The following WDR89 variants were observed in gnomAD, a reference collection of about 807,000 sequenced individuals.
WDR89 encodes the protein WD repeat-containing protein 89.
Under a neutral mutation model 29.1 loss-of-function variants are expected in WDR89, and 17 were observed. That is an observed-to-expected ratio of 0.58 (90% CI 0.40 to 0.88). WDR89 has a LOEUF of 0.88. WDR89 is among the 40% of genes least tolerant of loss of function. WDR89 has a pLI of 0.00. For synonymous variants in WDR89, 138 were observed against 157.8 expected, an observed-to-expected ratio of 0.87 and a Z score of 0.94; for missense variants, 396 against 456.3, an observed-to-expected ratio of 0.87 and a Z score of 1.20.
intron 1 of WDR89, among the ~76,000 whole-genome samples, chr14:63,636,003 T>C (rs1349666338): frequency 1.3e-5 from 2 of 152,056 alleles, no homozygotes; most frequent in Non-Finnish European, 2.9e-5. Flanking sequence ...GGTCAGGAGT[T>C]CGAGACCAGC....
At chr14:63,609,559 C>T (rs1881815973) in intron 2 of WDR89, among the ~76,000 whole-genome samples, 3 of 152,174 alleles carry the variant, frequency 2.0e-5, no homozygotes, top group Admixed American at 6.5e-5. Flanking sequence ...GAAGCCGAGG[C>T]GGGCGGATCA....
At chr14:63,601,924 A>G in intron 2 of WDR89, 1 of 456,358 alleles carries the variant, frequency 2.2e-6, no homozygotes, top group Non-Finnish European at 3.9e-6. Context: ...AATAAACTAA[A>G]TAACTAATGA....
At chr14:63,635,332 G>T (rs759320235) in intron 1 of WDR89, among the ~76,000 whole-genome samples, 1 of 152,102 alleles carries the variant, frequency 6.6e-6, no homozygotes, top group Non-Finnish European at 1.5e-5. Context: ...ACATACACAA[G>T]TCAATAAATG....
chr14:63,613,821 CTTTT>C (rs751893850), intron 2 of WDR89, among the ~76,000 whole-genome samples: 7,162 of 120,972 alleles, frequency 0.059, 266 homozygotes, highest in African/African-American at 0.12. Context: ...TTTTAAACAT[CTTTT>C]TTTTTTTTTT....
At chr14:63,602,585 C>T (rs1166124803) in intron 2 of WDR89, among the ~76,000 whole-genome samples, 3 of 151,116 alleles carry the variant, frequency 2.0e-5, no homozygotes, top group East Asian at 2.0e-4. Flanking sequence ...CCAGTCTGAC[C>T]GACATGGAAA....
chr14:63,621,135 T>C (rs747447051), intron 2 of WDR89, among the ~76,000 whole-genome samples: 1 of 152,186 alleles, frequency 6.6e-6, no homozygotes, highest in African/African-American at 2.4e-5. Context: ...AACCCTTCTA[T>C]ATTGCTGGTG....
chr14:63,607,620 A>G (rs1048492132), intron 2 of WDR89, among the ~76,000 whole-genome samples: 6 of 151,872 alleles, frequency 4.0e-5, no homozygotes, highest in Non-Finnish European at 5.9e-5. Flanking sequence ...GGTGGCTCAC[A>G]TCTGTAATCC....
chr14:63,613,891 C>T (rs1882146647), intron 2 of WDR89, among the ~76,000 whole-genome samples: 1 of 148,202 alleles, frequency 6.7e-6, no homozygotes. Flanking sequence ...GTAAGCAATC[C>T]TCCTGCTTTG....
intron 2 of WDR89, among the ~76,000 whole-genome samples, chr14:63,617,395 T>C (rs1335324791): frequency 6.6e-6 from 1 of 151,528 alleles, no homozygotes; most frequent in Non-Finnish European, 1.5e-5. Flanking sequence ...TACAAGCTTT[T>C]AAGATAAGAT....
intron 2 of WDR89, among the ~76,000 whole-genome samples, chr14:63,622,595 TCAAA>T (rs915423417): frequency 1.4e-4 from 20 of 148,134 alleles, no homozygotes; most frequent in Non-Finnish European, 2.5e-4. Context: ...AAACAAACAA[TCAAA>T]CAAACAAAAA....
chr14:63,622,484 G>A (rs1832983355), intron 2 of WDR89, among the ~76,000 whole-genome samples: 1 of 152,230 alleles, frequency 6.6e-6, no homozygotes, highest in African/African-American at 2.4e-5. Flanking sequence ...GGGAGGCTGA[G>A]ACAGGAGAAT....
At chr14:63,628,685 C>T (rs1031766569) in intron 1 of WDR89, among the ~76,000 whole-genome samples, 3 of 152,114 alleles carry the variant, frequency 2.0e-5, no homozygotes, top group African/African-American at 7.2e-5. Context: ...GGCCACTGGC[C>T]GGGTGCGGTG....
At chr14:63,619,996 C>T (rs1882582346) in intron 2 of WDR89, among the ~76,000 whole-genome samples, 2 of 131,012 alleles carry the variant, frequency 1.5e-5, no homozygotes, top group East Asian at 4.7e-4. Context: ...CAGAGCGAGA[C>T]TCCATCTCAA....
intron 2 of WDR89, among the ~76,000 whole-genome samples, chr14:63,604,860 C>T (rs1895234061): frequency 6.6e-6 from 1 of 152,144 alleles, no homozygotes; most frequent in Non-Finnish European, 1.5e-5. Flanking sequence ...ATAATGGAGG[C>T]CAGGTGTGGT....
At position 63,618,830 on chromosome 14, in the gene WDR89, T is replaced by A. The variant is rs551547458; in HGVS notation, c.-32+6098A>T. The stretch of plus-strand genomic sequence containing the variant: ...TACAAGTGTCCACGGAGAAAAGGGG[T>A]CTCATAAAAAATCTGAAGAATCTTA... On this transcript the variant is annotated intron_variant, in intron 2 of 2. Coordinates refer to ENST00000620954, the MANE Select transcript of WDR89 (RefSeq NM_080666.4). Among the ~76,000 whole-genome samples the A allele has an allele frequency of 2.0e-5, 3 of 151,816 alleles. No individual in the cohort carries two copies. In the South Asian group the frequency reaches 6.3e-4, roughly 32 times the overall value.
chr14:63,613,144 A>G (rs1159848239), intron 2 of WDR89, among the ~76,000 whole-genome samples: 1 of 152,228 alleles, frequency 6.6e-6, no homozygotes, highest in African/African-American at 2.4e-5. Flanking sequence ...TGGTATAGCC[A>G]TAAAATGAAA....
chr14:63,611,456 G>C (rs1881986544), intron 2 of WDR89, among the ~76,000 whole-genome samples: 1 of 150,964 alleles, frequency 6.6e-6, no homozygotes, highest in Non-Finnish European at 1.5e-5. Context: ...TGGTATCCTT[G>C]ATTAGATCCT....
intron 2 of WDR89, among the ~76,000 whole-genome samples, chr14:63,608,141 G>C (rs772124395): frequency 3.3e-5 from 5 of 152,200 alleles, no homozygotes; most frequent in Non-Finnish European, 7.3e-5. Flanking sequence ...GGGAGGCGGA[G>C]GTTGCAGTGA....
intron 1 of WDR89, among the ~76,000 whole-genome samples, chr14:63,638,683 A>G (rs1883902778): frequency 6.6e-6 from 1 of 152,216 alleles, no homozygotes; most frequent in Non-Finnish European, 1.5e-5. Context: ...CAGTGGAAAA[A>G]TTGGCGAAGC....
Sources: allele counts gnomAD v4.1 joint callset (sites outside exome capture counted in the v4.1 genomes callset), GRCh38; gene constraint gnomAD v4.1.1; transcripts MANE v1.5; gene names NCBI Gene and HGNC (gene_info 2026-07-23, HGNC 2026-07-21).